PARL: variants seen among roughly 807,000 people sequenced by gnomAD.
PARL encodes the protein presenilin associated rhomboid like.
Under a neutral mutation model 51.6 loss-of-function variants are expected in PARL, and 44 were observed. That is an observed-to-expected ratio of 0.85 (90% CI 0.67 to 1.10). PARL has a LOEUF of 1.10. Ranked by LOEUF, PARL falls within the 50% of genes least tolerant of loss-of-function variation. The probability of loss-of-function intolerance (pLI) is 0.00; values close to 1 mark genes in which losing one functional copy is unlikely to be tolerated. For synonymous variants in PARL, 172 were observed against 164.0 expected (o/e 1.05, Z -0.37); for missense variants, 441 against 469.5 (o/e 0.94, Z 0.56).
intron 1 of PARL, among the ~76,000 whole-genome samples, chr3:183,881,698 C>A (rs1175589907): frequency 6.6e-6 from 1 of 152,128 alleles, no homozygotes; most frequent in Non-Finnish European, 1.5e-5. Flanking sequence ...TTTGAGGCTG[C>A]AGTGAGCTAT....
intron 1 of PARL, among the ~76,000 whole-genome samples, chr3:183,883,092 A>C (rs1231496005): frequency 6.6e-6 from 1 of 152,232 alleles, no homozygotes; most frequent in East Asian, 1.9e-4. Flanking sequence ...TTCAGACATT[A>C]AATACTAATC....
rs553632116 is a variant in PARL at position 183,884,839 on chromosome 3, C to G, written c.8G>C (p.Trp3Ser). The G allele has an allele frequency of 5.0e-6, 8 of 1,597,312 alleles. No individual in the cohort carries two copies. The African/African-American group carries it at 1.1e-4, about 21-fold the overall frequency. MA[W>S]RGWAQRGWGC... is the part of the protein sequence containing the mutation. ...CCAGCCTCTCTGCGCCCAGCCTCGC[C>G]ACGCCATCTTCCCAACCTCTGCCCC... is the stretch of plus-strand genomic sequence containing the variant. The change falls in exon 1 of 10, where the codon TGG becomes TCG. Residue 3 changes from tryptophan to serine, a missense_variant. Transcript: ENST00000317096.
intron 1 of PARL, among the ~76,000 whole-genome samples, chr3:183,876,327 G>A (rs866907601): frequency 2.6e-5 from 4 of 152,084 alleles, no homozygotes; most frequent in South Asian, 2.1e-4. Context: ...TATTATAGGC[G>A]CAATCCACTG....
chr3:183,865,798 G>T (rs895660364), intron 3 of PARL, among the ~76,000 whole-genome samples: 9 of 152,152 alleles, frequency 5.9e-5, no homozygotes, highest in Non-Finnish European at 1.2e-4. Flanking sequence ...GTAGAGCTGA[G>T]ATCCACTGAG....
intron 3 of PARL, among the ~76,000 whole-genome samples, chr3:183,865,266 T>C (rs1219456529): frequency 1.3e-5 from 2 of 152,182 alleles, no homozygotes; most frequent in East Asian, 3.9e-4. Flanking sequence ...TATGATCCCA[T>C]TACTGCACTG....
chr3:183,849,397 T>C (rs966488630), intron 4 of PARL, among the ~76,000 whole-genome samples: 2 of 152,086 alleles, frequency 1.3e-5, no homozygotes, highest in African/African-American at 4.8e-5. Flanking sequence ...AATTCACCAG[T>C]ATATGGAAAT....
intron 9 of PARL, 150 bp from the exon 10 acceptor site, chr3:183,829,859 A>C: frequency 1.4e-6 from 1 of 734,224 alleles, no homozygotes; most frequent in South Asian, 1.5e-5. Context: ...GAAATGGTTT[A>C]GCTTTCATAT....
chr3:183,842,735 G>A (rs1189884417), intron 5 of PARL, among the ~76,000 whole-genome samples: 1 of 143,024 alleles, frequency 7.0e-6, no homozygotes, highest in African/African-American at 2.6e-5. Context: ...TTGGACCCAG[G>A]AGGTAGAGTT....
At chr3:183,876,200 T>C (rs967737419) in intron 1 of PARL, among the ~76,000 whole-genome samples, 1 of 152,064 alleles carries the variant, frequency 6.6e-6, no homozygotes, top group Non-Finnish European at 1.5e-5. Flanking sequence ...GCGCCTGCCA[T>C]CATGTCCGGC....
intron 1 of PARL, among the ~76,000 whole-genome samples, chr3:183,880,204 C>T (rs1734286774): frequency 6.6e-6 from 1 of 152,026 alleles, no homozygotes. Context: ...CAAAGTGAAG[C>T]GCCGCAATAA....
At chr3:183,870,030 C>T (rs1732990639) in intron 1 of PARL, among the ~76,000 whole-genome samples, 2 of 151,412 alleles carry the variant, frequency 1.3e-5, no homozygotes, top group Admixed American at 6.6e-5. Flanking sequence ...GTAATCCCAG[C>T]ACTTTGGGAG....
intron 7 of PARL, among the ~76,000 whole-genome samples, chr3:183,837,097 T>A (rs1436663088): frequency 2.0e-5 from 3 of 152,236 alleles, no homozygotes; most frequent in African/African-American, 7.2e-5. Context: ...TTATGTTTTT[T>A]AACTTTATTT....
intron 3 of PARL, among the ~76,000 whole-genome samples, chr3:183,863,880 T>C (rs1732134363): frequency 6.6e-6 from 1 of 152,272 alleles, no homozygotes; most frequent in African/African-American, 2.4e-5. Context: ...ATAGGTTTTA[T>C]ACATTCAACT....
chr3:183,882,300 T>C (rs28629312), intron 1 of PARL, among the ~76,000 whole-genome samples: 36 of 105,744 alleles, frequency 3.4e-4, no homozygotes, highest in African/African-American at 1.1e-3. Context: ...CACATATATA[T>C]ACACACACAT....
intron 4 of PARL, among the ~76,000 whole-genome samples, chr3:183,845,626 G>C (rs781454939): frequency 7.0e-4 from 106 of 152,176 alleles, no homozygotes; most frequent in Non-Finnish European, 1.2e-3. Context: ...TGGGAAAAGG[G>C]ATCATACACA....
At position 183,842,461 on chromosome 3, in the gene PARL, A is replaced by C. The variant is rs748689407; in HGVS notation, c.608-14T>G. ...AACAAAGGACCTCTACAAGAGAGAG[A>C]AACATAGTCTGGTAATCATGAAACA... On this transcript the variant is annotated splice_polypyrimidine_tract_variant and intron_variant, in intron 5 of 9. Transcript: ENST00000317096. 1 of 1,610,406 alleles carries C rather than the reference A, an allele frequency of 6.2e-7. No homozygotes were observed. The highest frequency in any genetic ancestry group is 1.1e-5 in the South Asian group (1 of 90,994).
intron 6 of PARL, 67 bp from the exon 7 acceptor site, chr3:183,840,707 T>C: frequency 1.2e-6 from 1 of 829,206 alleles, no homozygotes; most frequent in Admixed American, 2.5e-5. Context: ...TTTTTTTCTT[T>C]TCTTTTTTTT....
At chr3:183,862,726 G>C in intron 4 of PARL, 27 bp downstream of exon 4, 3 of 1,591,130 alleles carry the variant, frequency 1.9e-6, no homozygotes, top group Non-Finnish European at 2.6e-6. Flanking sequence ...TCCCTTGAAT[G>C]GTTAAAACGT....
In PARL at chr3:183,847,564, AAAATAAAT is replaced by A. The variant is rs200425957; in HGVS notation, c.512-3246_512-3239del. ...GGGCGACAGAGGGAGACCCTGTCTC[AAAATAAAT>A]AAATAAATAAATAAAAAGAAAAAAA... On this transcript the variant is annotated intron_variant, in intron 4 of 9. Coordinates refer to ENST00000317096, the MANE Select transcript of PARL (RefSeq NM_018622.7). Among the ~76,000 whole-genome samples, 322 of 152,106 alleles carry A rather than the reference AAAATAAAT, an allele frequency of 2.1e-3. 7 individuals carry two copies. The East Asian group carries it at 0.032, about 15-fold the overall frequency.
Sources: gnomAD v4.1 joint callset for allele counts (sites outside exome capture counted in the v4.1 genomes callset) on GRCh38, gnomAD v4.1.1 for gene constraint, MANE v1.5 for transcripts, NCBI Gene and HGNC (gene_info 2026-07-23, HGNC 2026-07-21) for gene names.